The following LY75 variants were observed in gnomAD, a reference collection of about 807,000 sequenced individuals.
LY75 encodes the protein C-type lectin domain family 13 member B.
Under a neutral mutation model 231.7 loss-of-function variants are expected in LY75, and 185 were observed. The observed-to-expected ratio is 0.80, with a 90% CI of 0.71 to 0.90. The LOEUF (loss-of-function observed/expected upper bound fraction) is 0.90, where lower values mean the gene tolerates loss of function less well. Among genes scored for constraint, LY75 ranks in the 40% least tolerant of loss-of-function variants. The pLI is 0.00. For synonymous variants in LY75, 668 were observed against 689.0 expected (o/e 0.97, Z 0.48); for missense variants, 1,947 against 2,050.2 (o/e 0.95, Z 0.97).
Position 159,834,142 on chromosome 2 carries a change from C to T in LY75, c.3743G>A (p.Trp1248Ter). ...KCPSPVLNTP[W>*]IPFQNCCYNF... ...GTAGCAACAGTTCTGAAATGGTATC[C>T]ACGGAGTATTTAGAACAGGAGATGG... Residue 1248 changes from tryptophan (W) to a stop codon, truncating the protein, a stop_gained, in exon 27 of 35, where the codon TGG becomes TAG. Coordinates refer to ENST00000263636, the MANE Select transcript of LY75 (RefSeq NM_002349.4). LOFTEE classifies it high-confidence loss of function. 6.2e-7 allele frequency: 1 copy of T among 1,613,948 alleles called. No individual in the cohort carries two copies. Among genetic ancestry groups the T allele is most frequent in the South Asian group, 1.1e-5 (1 of 91,064 alleles).
At chr2:159,847,679 C>T (rs976004962) in intron 23 of LY75, among the ~76,000 whole-genome samples, 2 of 152,084 alleles carry the variant, frequency 1.3e-5, no homozygotes, top group African/African-American at 4.8e-5. Flanking sequence ...ATCTTAACTG[C>T]TTGATATATG....
In LY75 at chr2:159,819,733, A is replaced by C. The variant is rs769206734; in HGVS notation, c.4146T>G (p.Ile1382Met). The C allele has an allele frequency of 3.0e-5, 48 of 1,608,884 alleles. No individual in the cohort carries two copies. Among genetic ancestry groups the C allele is most frequent in the Non-Finnish European group, 3.8e-5 (45 of 1,178,628 alleles). ...FHQHSILACK[I>M]EMVDYKEEYN... Reference sequence around the variant, plus strand: ...ATATTTTACTATACTTACCCATTTCAATTTTACAAGCAAGAATGCTGTGCT... The same window carrying C: ...ATATTTTACTATACTTACCCATTTCCATTTTACAAGCAAGAATGCTGTGCT... The change falls in exon 29 of 35, where the codon ATT becomes ATG. Residue 1382 changes from isoleucine (I) to methionine (M), a missense_variant. By Grantham distance (10) the Ile-to-Met change is conservative (BLOSUM62 1). Transcript: ENST00000263636.
chr2:159,872,720 G>T (rs1030376161), intron 12 of LY75, 127 bp from the exon 13 acceptor site: 3 of 1,053,466 alleles, frequency 2.8e-6, no homozygotes, highest in Admixed American at 2.5e-5. Context: ...GAAGGCATAG[G>T]TAAATGCACA....
In LY75 at chr2:159,866,787, C is replaced by T. The variant is rs892126238; in HGVS notation, c.2118-1867G>A. Reference sequence around the variant, plus strand: ...ATTATATATTTGGGCCTGGGGAATTCGTGTAGAATTTTGTGTTTCCCTAAA... The same window carrying T: ...ATTATATATTTGGGCCTGGGGAATTTGTGTAGAATTTTGTGTTTCCCTAAA... On this transcript the variant is annotated intron_variant, in intron 13 of 34. Transcript: ENST00000263636. 7.9e-5 allele frequency among the ~76,000 whole-genome samples: 12 copies of T among 152,122 alleles called. No individual in the cohort carries two copies. In the East Asian group the frequency reaches 1.5e-3, roughly 19 times the overall value.
At chr2:159,881,041 T>C (rs753952969) in intron 8 of LY75, 42 bp downstream of exon 8, 21 of 1,590,314 alleles carry the variant, frequency 1.3e-5, no homozygotes, top group Middle Eastern at 1.7e-4. Context: ...TATCATTAGG[T>C]AAAACAGGAA....
intron 1 of LY75, 36 bp downstream of exon 1, chr2:159,904,552 AC>A (rs2125889926): frequency 6.7e-7 from 1 of 1,499,032 alleles, no homozygotes. Flanking sequence ...GCGTCGAGGC[AC>A]CCAGCGGACT....
At position 159,864,844 on chromosome 2, in the gene LY75, T is replaced by A. The variant is rs149150497; in HGVS notation, c.2194A>T (p.Thr732Ser). The change falls in exon 14 of 35, where the codon ACA becomes TCA. Residue 732 changes from threonine (T) to serine (S), a missense_variant. Physicochemically the swap from Thr to Ser is moderately conservative, Grantham distance 58. Coordinates refer to ENST00000263636, the MANE Select transcript of LY75 (RefSeq NM_002349.4). ...LQGSWQWSDR[T>S]PVSTIIMPNE... is the part of the protein sequence containing the mutation. ...ACAATAACGTTTTAACTTACTGGTG[T>A]ACGATCACTCCATTGCCAGGATCCT... 39 of 1,597,912 alleles carry A rather than the reference T, an allele frequency of 2.4e-5. No individual in the cohort carries two copies. In the Middle Eastern group the frequency reaches 8.3e-4, roughly 34 times the overall value.
chr2:159,835,901 G>C (rs1215253431), intron 25 of LY75, among the ~76,000 whole-genome samples: 1 of 152,122 alleles, frequency 6.6e-6, no homozygotes, highest in African/African-American at 2.4e-5. Flanking sequence ...TATGTAACTT[G>C]TGCAAAGTCC....
In LY75 at chr2:159,873,457, C is replaced by G. The variant is rs573021861; in HGVS notation, c.1975-864G>C. Among the ~76,000 whole-genome samples the G allele has an allele frequency of 7.2e-4, 109 of 152,212 alleles. 1 individual carries two copies. The highest frequency in any genetic ancestry group is 3.1e-4 in the Non-Finnish European group (21 of 68,018). On this transcript the variant is annotated intron_variant, in intron 12 of 34. Coordinates refer to ENST00000263636, the MANE Select transcript of LY75 (RefSeq NM_002349.4). ...GTGATATACCATGAGAACAACAAAC[C>G]CCTGTGAGCTGTTGCCCTTTTAGCC...
chr2:159,816,755 C>A (rs760084107), intron 30 of LY75, 51 bp downstream of exon 30: 11 of 1,599,488 alleles, frequency 6.9e-6, no homozygotes, highest in South Asian at 1.1e-5. Flanking sequence ...AAATTTCTAA[C>A]CCTCAAAATA....
At chr2:159,858,254 GC>G in intron 16 of LY75, 107 bp downstream of exon 16, 1 of 1,368,490 alleles carries the variant, frequency 7.3e-7, no homozygotes, top group South Asian at 1.5e-5. Context: ...ATCATCATAG[GC>G]TTTTAGACAT....
chr2:159,880,180 A>G (rs1321904326), intron 8 of LY75, among the ~76,000 whole-genome samples: 1 of 152,182 alleles, frequency 6.6e-6, no homozygotes, highest in Non-Finnish European at 1.5e-5. Context: ...CACTTTCATA[A>G]CCAATTAGGG....
chr2:159,860,596 G>A (rs1242352532), intron 15 of LY75, among the ~76,000 whole-genome samples: 3 of 152,176 alleles, frequency 2.0e-5, no homozygotes, highest in African/African-American at 4.8e-5. Context: ...CTCATTTGGA[G>A]CATATTACTG....
rs777576074 is a variant in LY75 at position 159,840,742 on chromosome 2, A to G, written c.3494T>C (p.Leu1165Pro). The G allele has an allele frequency of 6.8e-6, 11 of 1,613,938 alleles. 1 individual carries two copies. The South Asian group carries it at 7.7e-5, about 11-fold the overall frequency. Residue 1165 changes from leucine to proline, a missense_variant, in exon 25 of 35, where the codon CTC becomes CCC. Physicochemically the swap from Leu to Pro is moderately conservative, Grantham distance 98. Transcript: ENST00000263636. The stretch of plus-strand genomic sequence containing the variant: ...CTGAACACTTACATCTTGACTGAAG[A>G]GTCCGATCCATAAGGAAGAGTTGTG... ...LLHNSSLWIG[L>P]FSQDDELNFG...
At chr2:159,853,411 T>C in intron 19 of LY75, 59 bp from the exon 20 acceptor site, 1 of 1,577,802 alleles carries the variant, frequency 6.3e-7, no homozygotes, top group African/African-American at 1.4e-5. Context: ...CATTTTTTTC[T>C]TTTTACTGTA....
At chr2:159,817,716 A>T (rs1560064142) in intron 29 of LY75, among the ~76,000 whole-genome samples, 2 of 152,344 alleles carry the variant, frequency 1.3e-5, no homozygotes, top group Admixed American at 1.3e-4. Flanking sequence ...TAACAAAAAA[A>T]CTACAATGAT....
intron 8 of LY75, among the ~76,000 whole-genome samples, chr2:159,880,307 T>G (rs1170644309): frequency 6.6e-6 from 1 of 152,208 alleles, no homozygotes; most frequent in Non-Finnish European, 1.5e-5. Context: ...AAGCATTCTA[T>G]AGGAGTAAGG....
intron 29 of LY75, 50 bp downstream of exon 29, chr2:159,819,676 T>C: frequency 1.3e-6 from 2 of 1,547,076 alleles, no homozygotes; most frequent in African/African-American, 1.4e-5. Flanking sequence ...CTAATAGCCT[T>C]ATATTCTTTC....
intron 31 of LY75, among the ~76,000 whole-genome samples, chr2:159,815,091 C>G (rs899590269): frequency 1.3e-5 from 2 of 151,310 alleles, no homozygotes; most frequent in Non-Finnish European, 2.9e-5. Flanking sequence ...AGCTCCGCCT[C>G]CCGGGTTCAC....
Sources: allele counts gnomAD v4.1 joint callset (sites outside exome capture counted in the v4.1 genomes callset), GRCh38; gene constraint gnomAD v4.1.1; transcripts MANE v1.5; gene names NCBI Gene and HGNC (gene_info 2026-07-23, HGNC 2026-07-21).